Variants in FREM3 observed in about 807,000 individuals in gnomAD.
The protein encoded by FREM3 is FRAS1-related extracellular matrix protein 3.
Under a neutral mutation model 129.1 loss-of-function variants are expected in FREM3, and 105 were observed. The ratio of observed to expected loss-of-function variants is 0.81; its 90% CI spans 0.69 to 0.96. FREM3 has a LOEUF of 0.96. FREM3 is among the 40% of genes least tolerant of loss of function. FREM3 has a pLI of 0.00. For synonymous variants in FREM3, 1,014 were observed against 1,044.9 expected, an observed-to-expected ratio of 0.97 and a Z score of 0.57; for missense variants, 2,593 against 2,666.3, an observed-to-expected ratio of 0.97 and a Z score of 0.61.
intron 2 of FREM3, among the ~76,000 whole-genome samples, chr4:143,645,455 G>A (rs1247019985): frequency 2.6e-5 from 4 of 152,280 alleles, no homozygotes; most frequent in South Asian, 2.1e-4. Context: ...TTTATAATTC[G>A]TTGACTTTAA....
intron 2 of FREM3, among the ~76,000 whole-genome samples, chr4:143,629,556 ACTG>A (rs1385120184): frequency 3.9e-5 from 6 of 152,150 alleles, no homozygotes; most frequent in South Asian, 2.1e-4. Flanking sequence ...TCAAAATCCT[ACTG>A]CTATTTTTTA....
chr4:143,657,541 T>C (rs1272983601), intron 2 of FREM3, among the ~76,000 whole-genome samples: 1 of 152,184 alleles, frequency 6.6e-6, no homozygotes, highest in East Asian at 1.9e-4. Flanking sequence ...ACCCAAATGA[T>C]AATTCATGAT....
rs1420569465 is a variant in FREM3 at position 143,697,515 on chromosome 4, T to C, written c.3161A>G (p.Glu1054Gly). Residue 1054 changes from glutamate (E) to glycine (G), a missense_variant, in exon 1 of 8, where the codon GAG (glutamate) becomes GGG (glycine). By Grantham distance (98) the Glu-to-Gly change is moderately conservative. Around this residue, in one of 2 missense-constraint regions of FREM3, gnomAD observed 2,276 missense variants for 2,267.2 expected, o/e 1.00. Coordinates refer to ENST00000329798, the MANE Select transcript of FREM3 (RefSeq NM_001168235.2). ...CACAGTTACTTGTACCTGTACTTTC[T>C]CTATTATGCTATTCCCCACTACCCA... ...YQWVVGNSII[E>G]KVQVQVTVLP... 5.2e-6 allele frequency: 8 copies of C among 1,537,192 alleles called. No homozygotes were observed. The African/African-American group carries it at 9.6e-5, about 18-fold the overall frequency.
rs565539791 is a variant in FREM3 at position 143,664,074 on chromosome 4, T to A, written c.5275+29039A>T. Among the ~76,000 whole-genome samples the A allele has an allele frequency of 7.3e-4, 111 of 152,290 alleles. 1 individual carries two copies. The highest frequency in any genetic ancestry group is 2.5e-3 in the African/African-American group (103 of 41,584). ...AGTAGTTTGATCGTCTGAAGTCTTC[T>A]TCTCTCAACTCATCAAAGTCATTCT... is the stretch of plus-strand genomic sequence containing the variant. On this transcript the variant is annotated intron_variant, in intron 2 of 7. Transcript: ENST00000329798.
At chr4:143,612,119 C>T (rs1327200962) in intron 5 of FREM3, among the ~76,000 whole-genome samples, 32 of 152,196 alleles carry the variant, frequency 2.1e-4, no homozygotes, top group Admixed American at 2.1e-3. Flanking sequence ...CATTAAGATT[C>T]ACCAATGTAA....
At chr4:143,623,506 C>A (rs1206376917) in intron 4 of FREM3, among the ~76,000 whole-genome samples, 14 of 131,586 alleles carry the variant, frequency 1.1e-4, no homozygotes, top group East Asian at 4.4e-4. Context: ...CCCCCCCCCC[C>A]CACCATTTAG....
At chr4:143,642,327 C>A (rs547571089) in intron 2 of FREM3, among the ~76,000 whole-genome samples, 1 of 152,118 alleles carries the variant, frequency 6.6e-6, no homozygotes, top group East Asian at 1.9e-4. Flanking sequence ...TAGCGAGTAG[C>A]CAAATAATCC....
chr4:143,696,650 G>C lies in FREM3; in HGVS notation c.4026C>G (p.Leu1342=). Residue 1342 remains leucine, a synonymous_variant, in exon 1 of 8, where the codon CTC becomes CTG. Coordinates refer to ENST00000329798, the MANE Select transcript of FREM3 (RefSeq NM_001168235.2). ...ATDLDSDDKS[L]SFVLHSGPQQ... ...GAGGCCCAGAATGGAGGACAAAACT[G>C]AGGCTTTTATCATCTGAGTCAAGAT... is the stretch of plus-strand genomic sequence containing the variant. 6.5e-7 allele frequency: 1 copy of C among 1,537,866 alleles called. No individual in the cohort carries two copies. The highest frequency in any genetic ancestry group is 1.2e-5 in the South Asian group (1 of 84,056).
intron 2 of FREM3, among the ~76,000 whole-genome samples, chr4:143,672,178 C>A (rs1024679913): frequency 1.3e-5 from 2 of 152,166 alleles, no homozygotes; most frequent in African/African-American, 2.4e-5. Context: ...CAGACTTAAT[C>A]CTTATAAGTT....
chr4:143,610,870 C>A (rs1738744176), intron 6 of FREM3, among the ~76,000 whole-genome samples: 1 of 152,164 alleles, frequency 6.6e-6, no homozygotes, highest in African/African-American at 2.4e-5. Context: ...ACACACTGGG[C>A]TCCATCTTAT....
intron 2 of FREM3, among the ~76,000 whole-genome samples, chr4:143,633,085 G>T (rs537704133): frequency 6.6e-6 from 1 of 152,242 alleles, no homozygotes; most frequent in Admixed American, 6.5e-5. Context: ...TCCATATTTT[G>T]GTGAGGGTTG....
intron 2 of FREM3, 22 bp downstream of exon 2, chr4:143,693,091 T>C: frequency 1.6e-6 from 2 of 1,255,676 alleles, no homozygotes; most frequent in South Asian, 3.1e-5. Context: ...TGAATCCTTT[T>C]GAAGGGTTTA....
chr4:143,686,496 C>G (rs1740366388), intron 2 of FREM3, among the ~76,000 whole-genome samples: 2 of 152,128 alleles, frequency 1.3e-5, no homozygotes, highest in African/African-American at 4.8e-5. Flanking sequence ...ATATACAGAA[C>G]ACTGTATCCA....
At chr4:143,687,377 G>A (rs1740389005) in intron 2 of FREM3, among the ~76,000 whole-genome samples, 1 of 151,778 alleles carries the variant, frequency 6.6e-6, no homozygotes, top group South Asian at 2.1e-4. Flanking sequence ...CACCACTGAC[G>A]ACAATAACAA....
chr4:143,635,577 C>G (rs945032221), intron 2 of FREM3, among the ~76,000 whole-genome samples: 3 of 152,166 alleles, frequency 2.0e-5, no homozygotes, highest in African/African-American at 7.2e-5. Context: ...CGGACATTGC[C>G]AAATGTCCCC....
At position 143,697,050 on chromosome 4, in the gene FREM3, A is replaced by G; in HGVS notation, c.3626T>C (p.Leu1209Pro). 4 of 1,537,586 alleles carry G rather than the reference A, an allele frequency of 2.6e-6. No individual in the cohort carries two copies. The South Asian group carries it at 3.6e-5, about 14-fold the overall frequency. The change falls in exon 1 of 8, where the codon CTG becomes CCG. Residue 1209 changes from leucine (L) to proline (P), a missense_variant. Physicochemically the swap from Leu to Pro is moderately conservative, Grantham distance 98. Transcript: ENST00000329798. ...ATTAAGCAGCTGGGTGTCTATGACC[A>G]GGCTCATCCCCTCTAGTACCTTAAA... is the stretch of plus-strand genomic sequence containing the variant. ...HEFKVLEGMS[L>P]VIDTQLLNGA...
chr4:143,697,778 T>C lies in FREM3; in HGVS notation c.2898A>G (p.Glu966=). 12 of 1,537,556 alleles carry C rather than the reference T, an allele frequency of 7.8e-6. No homozygotes were observed. The highest frequency in any genetic ancestry group is 1.0e-5 in the Non-Finnish European group (12 of 1,146,978). Residue 966 remains glutamate (E), a synonymous_variant, in exon 1 of 8, where the codon GAA becomes GAG. Coordinates refer to ENST00000329798, the MANE Select transcript of FREM3 (RefSeq NM_001168235.2). ...SIDVLENKAT[E]ITMGVIHGKR... ...TGCCATGGATGACACCCATGGTAAT[T>C]TCAGTGGCTTTATTCTCTAGTACGT...
chr4:143,590,440 A>T (rs1479853825), intron 6 of FREM3, among the ~76,000 whole-genome samples: 6 of 152,200 alleles, frequency 3.9e-5, no homozygotes, highest in Non-Finnish European at 8.8e-5. Flanking sequence ...GAGAGTTTTT[A>T]GCATGAAGCA....
At chr4:143,591,623 G>A (rs1207314895) in intron 6 of FREM3, among the ~76,000 whole-genome samples, 1 of 152,096 alleles carries the variant, frequency 6.6e-6, no homozygotes, top group South Asian at 2.1e-4. Context: ...TATAATTTCT[G>A]TTCTTTTACA....
Sources: allele counts gnomAD v4.1 joint callset (sites outside exome capture counted in the v4.1 genomes callset), GRCh38; gene constraint gnomAD v4.1.1; regional missense constraint gnomAD v4.1.1; transcripts MANE v1.5; gene names NCBI Gene and HGNC (gene_info 2026-07-23, HGNC 2026-07-21).